The following CNTNAP2 variants were observed in gnomAD, a reference collection of about 807,000 sequenced individuals.
CNTNAP2 encodes the protein contactin-associated protein-like 2.
In CNTNAP2, 98 loss-of-function variants were observed where a neutral mutation model predicts 155.2. That is an observed-to-expected ratio of 0.63 (90% CI 0.54 to 0.75). CNTNAP2 has a LOEUF of 0.75. CNTNAP2 is among the 30% of genes least tolerant of loss of function. The pLI is 0.00. For synonymous variants in CNTNAP2, 651 were observed against 631.2 expected (o/e 1.03, Z -0.47); for missense variants, 1,727 against 1,688.1 (o/e 1.02, Z -0.40).
At chr7:146,767,920 T>C (rs1395198929) in intron 1 of CNTNAP2, among the ~76,000 whole-genome samples, 3 of 152,118 alleles carry the variant, frequency 2.0e-5, no homozygotes, top group Non-Finnish European at 2.9e-5. Context: ...ATTTTGACTC[T>C]AAGGAGCATG....
chr7:147,701,534 A>T (rs1254500419), intron 13 of CNTNAP2, among the ~76,000 whole-genome samples: 2 of 152,200 alleles, frequency 1.3e-5, no homozygotes, highest in African/African-American at 4.8e-5. Flanking sequence ...CAAACAGAGT[A>T]TACTGTGAAG....
intron 1 of CNTNAP2, among the ~76,000 whole-genome samples, chr7:146,666,357 C>T (rs144005861): frequency 1.3e-5 from 2 of 152,220 alleles, no homozygotes; most frequent in African/African-American, 2.4e-5. Context: ...AAATAGTATT[C>T]TGTTGTGTAT....
Position 147,706,239 on chromosome 7 carries a change from C to T in CNTNAP2, c.2098+66933C>T, listed in dbSNP as rs78225045. 4.4e-3 allele frequency among the ~76,000 whole-genome samples: 589 copies of T among 133,996 alleles called. 2 individuals are homozygous for T. The highest frequency in any genetic ancestry group is 0.015 in the African/African-American group (558 of 36,150). 87.9% of individuals were successfully genotyped at this position (133,996 alleles called of 152,430 possible). On this transcript the variant is annotated intron_variant, in intron 13 of 23. Coordinates refer to ENST00000361727, the MANE Select transcript of CNTNAP2 (RefSeq NM_014141.6). ...GCTCTACCAGTGGGTTTTATCCTTT[C>T]ATGTGGTTTTTATGATGGTAGATAT...
At chr7:148,030,734 A>G (rs1802462578) in intron 15 of CNTNAP2, among the ~76,000 whole-genome samples, 1 of 147,892 alleles carries the variant, frequency 6.8e-6, no homozygotes, top group Admixed American at 6.8e-5. Flanking sequence ...AGCGTACAGC[A>G]TATTTTCATT....
intron 12 of CNTNAP2, among the ~76,000 whole-genome samples, chr7:147,629,327 C>G (rs1469374205): frequency 6.6e-6 from 1 of 151,662 alleles, no homozygotes; most frequent in East Asian, 1.9e-4. Flanking sequence ...CACTTAAACC[C>G]CAGAGGCAGA....
intron 1 of CNTNAP2, among the ~76,000 whole-genome samples, chr7:146,317,053 C>T (rs1009159923): frequency 1.3e-5 from 2 of 152,124 alleles, no homozygotes; most frequent in South Asian, 2.1e-4. Flanking sequence ...CAACTTGGTA[C>T]GTCATAGAGT....
intron 13 of CNTNAP2, among the ~76,000 whole-genome samples, chr7:147,807,986 TAA>T (rs59556780): frequency 6.8e-6 from 1 of 146,580 alleles, no homozygotes; most frequent in African/African-American, 2.5e-5. Flanking sequence ...CTTTCTTTTT[TAA>T]AAAAAAAAAA....
At chr7:148,056,211 G>T (rs1354458398) in intron 15 of CNTNAP2, among the ~76,000 whole-genome samples, 1 of 152,130 alleles carries the variant, frequency 6.6e-6, no homozygotes, top group Non-Finnish European at 1.5e-5. Context: ...AATTTCTTCT[G>T]CCCTTCCATT....
At chr7:147,474,079 C>T (rs1044170810) in intron 10 of CNTNAP2, among the ~76,000 whole-genome samples, 9 of 149,468 alleles carry the variant, frequency 6.0e-5, no homozygotes, top group African/African-American at 2.0e-4. Flanking sequence ...AACTCCGTCT[C>T]TAAAAAAAAA....
intron 3 of CNTNAP2, among the ~76,000 whole-genome samples, chr7:146,873,709 C>T (rs974056881): frequency 6.6e-6 from 1 of 151,976 alleles, no homozygotes; most frequent in African/African-American, 2.4e-5. Flanking sequence ...TTTCCTATTT[C>T]TGTATCACAA....
intron 3 of CNTNAP2, among the ~76,000 whole-genome samples, chr7:146,858,361 A>G (rs1409152762): frequency 2.0e-5 from 3 of 152,212 alleles, no homozygotes; most frequent in South Asian, 2.1e-4. Context: ...TTTCCCTGCC[A>G]ACACTGACAT....
At chr7:146,587,969 C>T (rs886867575) in intron 1 of CNTNAP2, among the ~76,000 whole-genome samples, 9 of 150,764 alleles carry the variant, frequency 6.0e-5, no homozygotes, top group Non-Finnish European at 1.3e-4. Context: ...CCACTGCGCC[C>T]GGCCTGATGA....
At chr7:148,143,864 A>G (rs1385579558) in intron 16 of CNTNAP2, among the ~76,000 whole-genome samples, 1 of 152,162 alleles carries the variant, frequency 6.6e-6, no homozygotes, top group Non-Finnish European at 1.5e-5. Context: ...ATAACTCACC[A>G]AAAGACTCCA....
At chr7:146,625,084 A>G (rs906132696) in intron 1 of CNTNAP2, among the ~76,000 whole-genome samples, 12 of 152,014 alleles carry the variant, frequency 7.9e-5, no homozygotes, top group African/African-American at 2.9e-4. Flanking sequence ...CAAGAAATTT[A>G]CTGGAACACA....
chr7:146,500,338 T>C (rs774337612), intron 1 of CNTNAP2, among the ~76,000 whole-genome samples: 15 of 152,144 alleles, frequency 9.9e-5, no homozygotes, highest in Non-Finnish European at 1.6e-4. Context: ...GTCGAGGAGA[T>C]GGGAGTTCAG....
At chr7:147,168,852 T>C (rs1261846042) in intron 8 of CNTNAP2, among the ~76,000 whole-genome samples, 1 of 152,126 alleles carries the variant, frequency 6.6e-6, no homozygotes, top group Non-Finnish European at 1.5e-5. Context: ...TCTATAAATA[T>C]TGACTCCAGC....
intron 21 of CNTNAP2, among the ~76,000 whole-genome samples, chr7:148,320,939 T>C (rs772067592): frequency 6.6e-6 from 1 of 152,244 alleles, no homozygotes; most frequent in Non-Finnish European, 1.5e-5. Context: ...TGTAGGCTAT[T>C]CGTCAATGAG....
chr7:146,307,154 C>A (rs1800727900), intron 1 of CNTNAP2, among the ~76,000 whole-genome samples: 1 of 152,084 alleles, frequency 6.6e-6, no homozygotes, highest in Non-Finnish European at 1.5e-5. Context: ...AATCAATGTG[C>A]AAAAATCACA....
At chr7:147,355,140 T>G (rs374694998) in intron 9 of CNTNAP2, among the ~76,000 whole-genome samples, 2 of 151,956 alleles carry the variant, frequency 1.3e-5, no homozygotes, top group Non-Finnish European at 2.9e-5. Context: ...GGCCATTGTT[T>G]CGAGTAAAGT....
Sources: allele counts gnomAD v4.1 joint callset (sites outside exome capture counted in the v4.1 genomes callset), GRCh38; gene constraint gnomAD v4.1.1; transcripts MANE v1.5; gene names NCBI Gene and HGNC (gene_info 2026-07-23, HGNC 2026-07-21).